Variants in KCNIP4 observed in about 807,000 individuals in gnomAD.
KCNIP4 encodes potassium voltage-gated channel interacting protein 4.
A neutral mutation model predicts 34.0 loss-of-function variants in KCNIP4; 12 were observed. The ratio of observed to expected loss-of-function variants is 0.35; its 90% CI spans 0.23 to 0.57. The LOEUF (loss-of-function observed/expected upper bound fraction) is 0.57. Ranked by LOEUF, KCNIP4 falls within the 20% of genes least tolerant of loss-of-function variation. The pLI, the probability that KCNIP4 is intolerant of heterozygous loss-of-function variation, is 0.83. For synonymous variants in KCNIP4, 124 were observed against 102.2 expected (o/e 1.21, Z -1.29); for missense variants, 238 against 311.7 (o/e 0.76, Z 1.78).
At chr4:20,987,607 A>G (rs1217062484) in intron 1 of KCNIP4, among the ~76,000 whole-genome samples, 1 of 152,218 alleles carries the variant, frequency 6.6e-6, no homozygotes, top group African/African-American at 2.4e-5. Flanking sequence ...ATTACATTCA[A>G]CAAGGGACAT....
intron 1 of KCNIP4, among the ~76,000 whole-genome samples, chr4:21,248,566 A>G (rs150549497): frequency 6.6e-6 from 1 of 152,078 alleles, no homozygotes; most frequent in East Asian, 1.9e-4. Context: ...TGGTAATGGT[A>G]GATGTGAACT....
intron 3 of KCNIP4, among the ~76,000 whole-genome samples, chr4:20,836,660 C>A (rs1046433738): frequency 2.0e-5 from 3 of 152,148 alleles, no homozygotes; most frequent in African/African-American, 7.2e-5. Context: ...GAGTGAGCCC[C>A]ACTCACATTA....
In KCNIP4 at chr4:21,366,678, G is replaced by A. The variant is rs560574977; in HGVS notation, c.62-483969C>T. Among the ~76,000 whole-genome samples, 11 of 151,978 alleles carry A rather than the reference G, an allele frequency of 7.2e-5. No individual in the cohort carries two copies. In the South Asian group the frequency reaches 2.1e-3, roughly 29 times the overall value. On this transcript the variant is annotated intron_variant, in intron 1 of 8. Transcript: ENST00000382152. ...TTTAGCTGTAAGACTAGGGATGAGG[G>A]AAAAAAACACAACAACAATAAATCC...
At chr4:21,806,729 T>C (rs932331606) in intron 1 of KCNIP4, among the ~76,000 whole-genome samples, 1 of 152,082 alleles carries the variant, frequency 6.6e-6, no homozygotes, top group African/African-American at 2.4e-5. Flanking sequence ...GGAAAACATA[T>C]GAGAAGTATC....
intron 2 of KCNIP4, among the ~76,000 whole-genome samples, chr4:20,872,743 C>A (rs367712703): frequency 6.6e-6 from 1 of 152,114 alleles, no homozygotes; most frequent in Admixed American, 6.6e-5. Context: ...AAGTAGTCAT[C>A]ATTCTACCCA....
At chr4:21,375,916 A>G (rs561719096) in intron 1 of KCNIP4, among the ~76,000 whole-genome samples, 2 of 152,172 alleles carry the variant, frequency 1.3e-5, no homozygotes, top group African/African-American at 4.8e-5. Flanking sequence ...AAAAATACTC[A>G]CGTTCAAAAA....
At chr4:20,847,126 A>G (rs937931363) in intron 3 of KCNIP4, among the ~76,000 whole-genome samples, 6 of 152,222 alleles carry the variant, frequency 3.9e-5, no homozygotes, top group African/African-American at 1.4e-4. Context: ...GAGGTTGACC[A>G]TTTGGGGCCA....
chr4:20,986,800 C>T (rs564989317), intron 1 of KCNIP4, among the ~76,000 whole-genome samples: 1 of 152,246 alleles, frequency 6.6e-6, no homozygotes, highest in African/African-American at 2.4e-5. Flanking sequence ...ACATAAAGTC[C>T]CATGAATATG....
At position 21,010,920 on chromosome 4, in the gene KCNIP4, C is replaced by G. The variant is rs116544387; in HGVS notation, c.62-128211G>C. ...GCTACCACTTCAAGAGTTCATGAAA[C>G]CAAGCAGTTTCAAGTGAATTTGCGT... On this transcript the variant is annotated intron_variant, in intron 1 of 8. Coordinates refer to ENST00000382152, the MANE Select transcript of KCNIP4 (RefSeq NM_025221.6). Among the ~76,000 whole-genome samples, 641 of 152,198 alleles carry G rather than the reference C, an allele frequency of 4.2e-3. 2 individuals carry two copies. Among genetic ancestry groups the G allele is most frequent in the Middle Eastern group, 6.8e-3 (2 of 294 alleles).
intron 1 of KCNIP4, among the ~76,000 whole-genome samples, chr4:21,066,577 C>T (rs367837235): frequency 3.9e-5 from 6 of 152,066 alleles, no homozygotes; most frequent in African/African-American, 9.7e-5. Flanking sequence ...AATGTCTGCG[C>T]CTGGGGAAGG....
intron 1 of KCNIP4, among the ~76,000 whole-genome samples, chr4:21,473,232 C>A (rs117549705): frequency 6.6e-6 from 1 of 152,164 alleles, no homozygotes; most frequent in Non-Finnish European, 1.5e-5. Flanking sequence ...TTTGTTACTG[C>A]AGCATAACCC....
At chr4:21,509,648 T>G (rs1011324049) in intron 1 of KCNIP4, among the ~76,000 whole-genome samples, 1 of 152,170 alleles carries the variant, frequency 6.6e-6, no homozygotes, top group Admixed American at 6.5e-5. Context: ...CCTCAGGCTG[T>G]TCCTGACTTA....
chr4:21,761,100 C>T (rs371002894), intron 1 of KCNIP4, among the ~76,000 whole-genome samples: 2 of 151,960 alleles, frequency 1.3e-5, no homozygotes, highest in Non-Finnish European at 2.9e-5. Flanking sequence ...TTATTAAGAA[C>T]ATCCTCTAAT....
intron 1 of KCNIP4, among the ~76,000 whole-genome samples, chr4:21,729,585 A>G (rs1715443048): frequency 8.5e-6 from 1 of 117,318 alleles, no homozygotes. Context: ...GATGCATGAA[A>G]TAAATTAGTA....
chr4:21,895,037 T>G (rs895836174), intron 1 of KCNIP4, among the ~76,000 whole-genome samples: 5 of 152,244 alleles, frequency 3.3e-5, no homozygotes, highest in East Asian at 3.9e-4. Flanking sequence ...TCCAGGTGAG[T>G]TGGGGGGCTT....
intron 1 of KCNIP4, among the ~76,000 whole-genome samples, chr4:21,240,943 A>T (rs1443261278): frequency 2.6e-5 from 4 of 152,226 alleles, no homozygotes; most frequent in Admixed American, 2.6e-4. Flanking sequence ...AAAAATGTTC[A>T]TTTCATTGTA....
rs148100508 is a variant in KCNIP4 at position 21,788,365 on chromosome 4, G to C, written c.61+160206C>G. ...ATAGCTAAATGACAAAGTAAATGGT[G>C]CACAAGTTTCAGCATATTCATCAAA... On this transcript the variant is annotated intron_variant, in intron 1 of 8. Transcript: ENST00000382152. Among the ~76,000 whole-genome samples the C allele has an allele frequency of 2.9e-3, 441 of 152,246 alleles. 4 individuals carry two copies. The highest frequency in any genetic ancestry group is 0.01 in the African/African-American group (416 of 41,548).
At chr4:21,520,897 A>G (rs993645171) in intron 1 of KCNIP4, among the ~76,000 whole-genome samples, 1 of 152,202 alleles carries the variant, frequency 6.6e-6, no homozygotes, top group African/African-American at 2.4e-5. Context: ...CTTAAGGCAT[A>G]TAAAGATACC....
At chr4:21,509,630 C>T (rs1352274153) in intron 1 of KCNIP4, among the ~76,000 whole-genome samples, 1 of 152,148 alleles carries the variant, frequency 6.6e-6, no homozygotes, top group African/African-American at 2.4e-5. Flanking sequence ...CCACCCTCCT[C>T]AGCCACTCCT....
Sources: allele counts gnomAD v4.1 joint callset (sites outside exome capture counted in the v4.1 genomes callset), GRCh38; gene constraint gnomAD v4.1.1; transcripts MANE v1.5; gene names NCBI Gene and HGNC (gene_info 2026-07-23, HGNC 2026-07-21).